DENND1B: variants seen among roughly 807,000 people sequenced by gnomAD.
The protein encoded by DENND1B is DENN domain containing 1B, also known as DENN domain-containing protein 1B.
In DENND1B, 59 loss-of-function variants were observed where a neutral mutation model predicts 90.1. The ratio of observed to expected loss-of-function variants is 0.65; its 90% CI spans 0.53 to 0.81. The LOEUF is 0.81. DENND1B is among the 40% of genes least tolerant of loss of function. The probability of loss-of-function intolerance (pLI) is 0.00; values close to 1 mark genes in which losing one functional copy is unlikely to be tolerated. For missense variants in DENND1B, 862 were observed against 912.6 expected (o/e 0.94, Z 0.71); for synonymous variants, 337 against 324.6 (o/e 1.04, Z -0.41).
intron 20 of DENND1B, among the ~76,000 whole-genome samples, chr1:197,538,793 A>G (rs1188879993): frequency 6.7e-6 from 1 of 149,788 alleles, no homozygotes; most frequent in African/African-American, 2.5e-5. Flanking sequence ...TTTAATTGCC[A>G]TTGTAATGGT....
At chr1:197,606,569 C>A (rs1018101749) in intron 13 of DENND1B, 2 of 151,250 alleles carry the variant, frequency 1.3e-5, no homozygotes, top group African/African-American at 4.8e-5. Flanking sequence ...TGAGGGAGAT[C>A]AAAGCCAGAA....
At chr1:197,520,668 A>G (rs1359504324) in intron 20 of DENND1B, among the ~76,000 whole-genome samples, 2 of 151,954 alleles carry the variant, frequency 1.3e-5, no homozygotes, top group African/African-American at 4.8e-5. Flanking sequence ...GAAAGACAGT[A>G]CTGTGCAAAA....
chr1:197,695,018 T>C (rs796381105), intron 3 of DENND1B, among the ~76,000 whole-genome samples: 1 of 151,380 alleles, frequency 6.6e-6, no homozygotes, highest in East Asian at 1.9e-4. Flanking sequence ...AAAATATCAC[T>C]ATGTTTTTCC....
chr1:197,647,025 T>C lies in DENND1B; in HGVS notation c.507+30A>G, dbSNP rs548027389. ...GATTATTTTTCCTATTTAATAGTGA[T>C]TTTTAGAAGCCAATGTCCTTTTAAC... On this transcript the variant is annotated intron_variant, in intron 8 of 22. Transcript: ENST00000620048. The C allele has an allele frequency of 1.1e-5, 16 of 1,453,380 alleles. No homozygotes were observed. The African/African-American group carries it at 2.4e-4, about 22-fold the overall frequency. 90.0% of individuals were successfully genotyped at this position (1,453,380 alleles called of 1,614,324 possible). A position where few individuals can be genotyped will look rare whatever the true frequency, so the allele number is the denominator to read the frequency against.
chr1:197,708,171 A>G (rs1237950861), intron 3 of DENND1B, among the ~76,000 whole-genome samples: 1 of 96,648 alleles, frequency 1.0e-5, no homozygotes, highest in East Asian at 3.0e-4. Context: ...GCCATTGCCC[A>G]GGCTTGCTTA....
chr1:197,738,016 G>T (rs1662870092), intron 2 of DENND1B, among the ~76,000 whole-genome samples: 1 of 59,286 alleles, frequency 1.7e-5, no homozygotes, highest in Non-Finnish European at 3.4e-5. Flanking sequence ...CGCAGGTTTT[G>T]ATTGCCTCCT....
intron 10 of DENND1B, among the ~76,000 whole-genome samples, chr1:197,628,303 G>C (rs1308711126): frequency 1.3e-5 from 2 of 152,130 alleles, no homozygotes; most frequent in African/African-American, 4.8e-5. Context: ...AACCAAAACA[G>C]TGTGGTACTG....
intron 14 of DENND1B, among the ~76,000 whole-genome samples, chr1:197,593,453 T>C (rs1675417021): frequency 6.6e-6 from 1 of 151,214 alleles, no homozygotes; most frequent in African/African-American, 2.4e-5. Context: ...TAACAAAATG[T>C]GATCAATAAA....
chr1:197,579,209 T>C (rs1287530548), intron 15 of DENND1B, among the ~76,000 whole-genome samples: 1 of 152,218 alleles, frequency 6.6e-6, no homozygotes, highest in East Asian at 1.9e-4. Context: ...CCTAGCCAAG[T>C]GGACACATTA....
chr1:197,552,970 C>T (rs201063010), intron 16 of DENND1B, 52 bp downstream of exon 16: 2 of 1,552,164 alleles, frequency 1.3e-6, no homozygotes, highest in African/African-American at 1.4e-5. Context: ...GTGCAAAGAC[C>T]AAGAAAATTG....
rs138536789 is a variant in DENND1B at position 197,618,922 on chromosome 1, C to T, written c.673-1163G>A. Among the ~76,000 whole-genome samples the T allele has an allele frequency of 6.7e-4, 102 of 151,276 alleles. No homozygotes were observed. The East Asian group carries it at 0.02, about 30-fold the overall frequency. The stretch of plus-strand genomic sequence containing the variant: ...GCTATCCAAATCCTATTATTAGCCA[C>T]ATTTGTCTATGTTTAAGTGCAAAAT... On this transcript the variant is annotated intron_variant, in intron 10 of 22. Coordinates refer to ENST00000620048, the MANE Select transcript of DENND1B (RefSeq NM_001195215.2).
intron 5 of DENND1B, among the ~76,000 whole-genome samples, chr1:197,662,852 T>C (rs1220191515): frequency 6.6e-6 from 1 of 152,120 alleles, no homozygotes; most frequent in Non-Finnish European, 1.5e-5. Flanking sequence ...AAAATTCATT[T>C]GTTTATTTAA....
chr1:197,753,561 G>C (rs1346570688), intron 2 of DENND1B, among the ~76,000 whole-genome samples: 1 of 152,058 alleles, frequency 6.6e-6, no homozygotes, highest in Non-Finnish European at 1.5e-5. Flanking sequence ...ATAATTAAGT[G>C]TCAATGTAGA....
chr1:197,714,055 CA>C (rs1173143634), intron 3 of DENND1B, among the ~76,000 whole-genome samples: 2 of 114,264 alleles, frequency 1.8e-5, no homozygotes, highest in African/African-American at 6.5e-5. Flanking sequence ...CGGCTCACTG[CA>C]ACCTCCACTT....
At chr1:197,771,377 C>A (rs1432979427) in intron 2 of DENND1B, among the ~76,000 whole-genome samples, 2 of 152,176 alleles carry the variant, frequency 1.3e-5, no homozygotes. Flanking sequence ...TATATCCATT[C>A]TTCAAAGAGG....
intron 3 of DENND1B, among the ~76,000 whole-genome samples, chr1:197,684,481 T>C (rs1217564264): frequency 6.6e-6 from 1 of 152,168 alleles, no homozygotes; most frequent in African/African-American, 2.4e-5. Flanking sequence ...ATTATCCATA[T>C]ATATGAAGAG....
chr1:197,652,587 CTAA>C (rs1653354612), intron 6 of DENND1B, among the ~76,000 whole-genome samples: 1 of 151,862 alleles, frequency 6.6e-6, no homozygotes, highest in Admixed American at 6.6e-5. Flanking sequence ...ATAAAATATA[CTAA>C]TGCTATAAAA....
At chr1:197,735,978 G>T in intron 2 of DENND1B, 2 of 1,222,482 alleles carry the variant, frequency 1.6e-6, no homozygotes, top group Non-Finnish European at 2.4e-6. Flanking sequence ...TGCTAAGGAA[G>T]CAAAAAAGGC....
chr1:197,749,012 C>G (rs1653087455), intron 2 of DENND1B, among the ~76,000 whole-genome samples: 1 of 152,048 alleles, frequency 6.6e-6, no homozygotes, highest in African/African-American at 2.4e-5. Context: ...AAAACATTCA[C>G]TGTATGGGCT....
Sources: gnomAD v4.1 joint callset for allele counts (sites outside exome capture counted in the v4.1 genomes callset) on GRCh38, gnomAD v4.1.1 for gene constraint, MANE v1.5 for transcripts, NCBI Gene and HGNC (gene_info 2026-07-23, HGNC 2026-07-21) for gene names.